Variants in OTUD7A observed in about 807,000 individuals in gnomAD.
OTUD7A encodes the protein OTU deubiquitinase 7A.
A neutral mutation model predicts 65.7 loss-of-function variants in OTUD7A; 12 were observed. The observed-to-expected ratio is 0.18, with a 90% CI of 0.12 to 0.30. The LOEUF (loss-of-function observed/expected upper bound fraction) is 0.30, where lower values mean the gene tolerates loss of function less well. OTUD7A is among the 10% of genes least tolerant of loss of function. OTUD7A has a pLI of 1.00. For missense variants in OTUD7A, 1,148 were observed against 1,304.8 expected, an observed-to-expected ratio of 0.88 and a Z score of 1.85; for synonymous variants, 641 against 586.3, an observed-to-expected ratio of 1.09 and a Z score of -1.35.
At chr15:31,637,419 G>A (rs1891375073) in intron 3 of OTUD7A, among the ~76,000 whole-genome samples, 1 of 152,152 alleles carries the variant, frequency 6.6e-6, no homozygotes, top group African/African-American at 2.4e-5. Context: ...AAATATTACT[G>A]CTCATTTGAC....
chr15:31,831,821 C>CTA (rs1418920627), intron 1 of OTUD7A, among the ~76,000 whole-genome samples: 2 of 152,248 alleles, frequency 1.3e-5, no homozygotes, highest in Admixed American at 1.3e-4. Flanking sequence ...GAGCAGGACA[C>CTA]TGATAAAGCA....
intron 1 of OTUD7A, among the ~76,000 whole-genome samples, chr15:31,734,053 C>T (rs1894120342): frequency 6.6e-6 from 1 of 151,974 alleles, no homozygotes; most frequent in Non-Finnish European, 1.5e-5. Context: ...GAATTGGATA[C>T]AATTATTTTG....
intron 1 of OTUD7A, among the ~76,000 whole-genome samples, chr15:31,730,593 C>A (rs1314047716): frequency 6.6e-6 from 1 of 152,212 alleles, no homozygotes; most frequent in African/African-American, 2.4e-5. Context: ...ACTGAAGTGA[C>A]CACACCAGAT....
At chr15:31,682,137 T>C (rs574361469) in intron 1 of OTUD7A, among the ~76,000 whole-genome samples, 163 of 151,968 alleles carry the variant, frequency 1.1e-3, no homozygotes, top group African/African-American at 3.6e-3. Context: ...GGTGCAAAGC[T>C]AGAAAAAGGG....
At position 31,655,082 on chromosome 15, in the gene OTUD7A, G is replaced by A. The variant is rs746499713; in HGVS notation, c.151+14C>T. 8 of 1,609,126 alleles carry A rather than the reference G, an allele frequency of 5.0e-6. 1 individual carries two copies. Among genetic ancestry groups the A allele is most frequent in the South Asian group, 3.3e-5 (3 of 90,198 alleles). The stretch of plus-strand genomic sequence containing the variant: ...CCCAGAATGGTGGTGTGGGGAACAA[G>A]GAGGTGGGCTTACCTTCCAGCAGGT... On this transcript the variant is annotated intron_variant, in intron 3 of 12. Coordinates refer to ENST00000307050, the MANE Select transcript of OTUD7A (RefSeq NM_001382637.1).
intron 1 of OTUD7A, among the ~76,000 whole-genome samples, chr15:31,819,098 T>C (rs1896619244): frequency 6.6e-6 from 1 of 152,168 alleles, no homozygotes; most frequent in Admixed American, 6.5e-5. Flanking sequence ...GGCTGGAAGA[T>C]GAAACAGCTT....
At chr15:31,640,560 A>AT (rs1212694337) in intron 3 of OTUD7A, among the ~76,000 whole-genome samples, 5 of 152,222 alleles carry the variant, frequency 3.3e-5, no homozygotes, top group Admixed American at 6.5e-5. Context: ...TTTCTTTTGC[A>AT]TATGAAAATC....
chr15:31,529,502 A>G (rs1016612411), intron 6 of OTUD7A, among the ~76,000 whole-genome samples: 13 of 152,120 alleles, frequency 8.5e-5, no homozygotes, highest in African/African-American at 2.4e-4. Context: ...GCTGATTTTC[A>G]TTTTCTCACC....
intron 7 of OTUD7A, 57 bp from the exon 8 acceptor site, chr15:31,526,518 C>T: frequency 5.9e-6 from 8 of 1,366,166 alleles, no homozygotes; most frequent in Non-Finnish European, 7.9e-6. Context: ...CTGCCCTCCT[C>T]TCCTCACCCT....
chr15:31,837,950 A>G (rs193160991), intron 1 of OTUD7A, among the ~76,000 whole-genome samples: 11 of 152,384 alleles, frequency 7.2e-5, no homozygotes, highest in African/African-American at 2.6e-4. Context: ...AATGGAACAG[A>G]ATTAAACAAC....
At position 31,542,951 on chromosome 15, in the gene OTUD7A, G is replaced by T. The variant is rs1888029143; in HGVS notation, c.551-12143C>A. On this transcript the variant is annotated intron_variant, in intron 5 of 12. Transcript: ENST00000307050. ...ATTTTAAGACTAACAAAAACTGAGA[G>T]AGTAAAATTAGCACTCACCTAAAGA... 2.0e-5 allele frequency among the ~76,000 whole-genome samples: 3 copies of T among 151,848 alleles called. No homozygotes were observed. The South Asian group carries it at 6.2e-4, about 31-fold the overall frequency.
chr15:31,555,550 G>A (rs2141152927), intron 5 of OTUD7A, among the ~76,000 whole-genome samples: 1 of 152,324 alleles, frequency 6.6e-6, no homozygotes, highest in African/African-American at 2.4e-5. Context: ...GCAGAGCCTG[G>A]CTGTGGGGTG....
At chr15:31,729,653 C>T (rs1893987727) in intron 1 of OTUD7A, among the ~76,000 whole-genome samples, 1 of 152,046 alleles carries the variant, frequency 6.6e-6, no homozygotes, top group African/African-American at 2.4e-5. Context: ...TAGATTTAAC[C>T]CTCTGCTTTC....
At chr15:31,708,331 A>G (rs144007616) in intron 1 of OTUD7A, among the ~76,000 whole-genome samples, 64 of 150,238 alleles carry the variant, frequency 4.3e-4, no homozygotes, top group Non-Finnish European at 6.3e-4. Flanking sequence ...TAAATTGCAC[A>G]TGCCCTTTGC....
At chr15:31,785,751 T>C (rs1895655794) in intron 1 of OTUD7A, among the ~76,000 whole-genome samples, 1 of 152,218 alleles carries the variant, frequency 6.6e-6, no homozygotes, top group African/African-American at 2.4e-5. Flanking sequence ...AGCCATAGAT[T>C]AGCTGTGTGG....
intron 1 of OTUD7A, among the ~76,000 whole-genome samples, chr15:31,843,040 C>T (rs1310234340): frequency 6.6e-6 from 1 of 152,044 alleles, no homozygotes. Flanking sequence ...TATGCAGACC[C>T]TAGTCCCCAT....
At chr15:31,638,455 C>T (rs1453617308) in intron 3 of OTUD7A, among the ~76,000 whole-genome samples, 1 of 149,776 alleles carries the variant, frequency 6.7e-6, no homozygotes, top group Non-Finnish European at 1.5e-5. Context: ...TTTCCACTCA[C>T]TGCAACCTCT....
At chr15:31,659,134 T>G (rs1273642293) in intron 1 of OTUD7A, among the ~76,000 whole-genome samples, 2 of 152,108 alleles carry the variant, frequency 1.3e-5, no homozygotes, top group Non-Finnish European at 2.9e-5. Flanking sequence ...CACTGCTGCA[T>G]TATATTTGTA....
chr15:31,570,031 G>A lies in OTUD7A; in HGVS notation c.318C>T (p.Asp106=), dbSNP rs149816922. 7.2e-5 allele frequency: 116 copies of A among 1,614,050 alleles called. No homozygotes were observed. Among genetic ancestry groups the A allele is most frequent in the Admixed American group, 4.2e-4 (25 of 60,032 alleles). Residue 106 remains aspartate, a synonymous_variant, in exon 4 of 13, where the codon GAC becomes GAT. Coordinates refer to ENST00000307050, the MANE Select transcript of OTUD7A (RefSeq NM_001382637.1). Reference sequence around the variant, plus strand: ...CCTCAGCGGTACCTTGGGCAATGTCGTCCTGCCTCTGCAGGCAGGGTCGCT... The same window carrying A: ...CCTCAGCGGTACCTTGGGCAATGTCATCCTGCCTCTGCAGGCAGGGTCGCT... The part of the protein sequence containing the change: ...KVERPCLQRQ[D]DIAQEKRLSR...
Sources: allele counts gnomAD v4.1 joint callset (sites outside exome capture counted in the v4.1 genomes callset), GRCh38; gene constraint gnomAD v4.1.1; transcripts MANE v1.5; gene names NCBI Gene and HGNC (gene_info 2026-07-23, HGNC 2026-07-21).